The following RAP1B variants were observed in gnomAD, a reference collection of about 807,000 sequenced individuals.
The protein encoded by RAP1B is ras-related protein Rap-1b.
In RAP1B, 1 loss-of-function variant was observed where a neutral mutation model predicts 27.5. That is an observed-to-expected ratio of 0.04 (90% CI 0.01 to 0.17). RAP1B has a LOEUF of 0.17. Ranked by LOEUF, RAP1B falls within the 10% of genes least tolerant of loss-of-function variation. The pLI, the probability that RAP1B is intolerant of heterozygous loss-of-function variation, is 1.00. For missense variants in RAP1B, 84 were observed against 214.8 expected (o/e 0.39, Z 3.81); for synonymous variants, 75 against 73.1 (o/e 1.03, Z -0.13).
At chr12:68,641,429 TA>T (rs1460471679) in intron 1 of RAP1B, among the ~76,000 whole-genome samples, 1 of 152,218 alleles carries the variant, frequency 6.6e-6, no homozygotes, top group Admixed American at 6.5e-5. Flanking sequence ...GCTCTGAAAC[TA>T]GAATTAAACA....
chr12:68,639,278 G>C (rs972476681), intron 1 of RAP1B, among the ~76,000 whole-genome samples: 3 of 152,194 alleles, frequency 2.0e-5, no homozygotes, highest in Non-Finnish European at 4.4e-5. Flanking sequence ...TAAGTCATCT[G>C]AGTGTTCAGT....
Position 68,663,019 on chromosome 12 carries a change from A to G in RAP1B, c.*3770A>G, listed in dbSNP as rs569139503. 6.6e-5 allele frequency: 10 copies of G among 151,330 alleles called. No individual in the cohort carries two copies. Among genetic ancestry groups the G allele is most frequent in the African/African-American group, 2.2e-4 (9 of 41,238 alleles). 9.4% of individuals were successfully genotyped at this position (151,330 alleles called of 1,614,324 possible). ...AAAAAAAGATAAATAAGTCTGTTCT[A>G]TTTGTTACAGTGCATCAACACATTT... On this transcript the variant is annotated 3_prime_UTR_variant, in exon 8 of 8. Coordinates refer to ENST00000250559, the MANE Select transcript of RAP1B (RefSeq NM_001010942.3).
chr12:68,670,628 A>G lies in RAP1B; in HGVS notation c.*11379A>G, dbSNP rs1201383927. 2 of 152,258 alleles carry G rather than the reference A, an allele frequency of 1.3e-5. No individual in the cohort carries two copies. The highest frequency in any genetic ancestry group is 2.9e-5 in the Non-Finnish European group (2 of 68,038). The allele number at this position is 152,258 out of a possible 1,614,324, so 9.4% of individuals were successfully genotyped here. ...CCCTGATAAATCCATCACAAAGCTGAAAAATTATAAGTAAAACTGTAAGTC... is the reference window on the plus strand; with the variant it reads ...CCCTGATAAATCCATCACAAAGCTGGAAAATTATAAGTAAAACTGTAAGTC... On this transcript the variant is annotated 3_prime_UTR_variant, in exon 8 of 8. Coordinates refer to ENST00000250559, the MANE Select transcript of RAP1B (RefSeq NM_001010942.3).
chr12:68,625,803 T>G (rs1360216423), intron 1 of RAP1B, among the ~76,000 whole-genome samples: 1 of 151,992 alleles, frequency 6.6e-6, no homozygotes, highest in Middle Eastern at 3.2e-3. Context: ...GCACCTGTAG[T>G]CCTAGCTACT....
intron 1 of RAP1B, among the ~76,000 whole-genome samples, chr12:68,645,838 T>G (rs918117052): frequency 1.3e-5 from 2 of 152,254 alleles, no homozygotes; most frequent in African/African-American, 4.8e-5. Context: ...GGGTTTTTTT[T>G]GTTTTGTTTT....
chr12:68,616,348 G>T (rs910318330), intron 1 of RAP1B, among the ~76,000 whole-genome samples: 1 of 150,602 alleles, frequency 6.6e-6, no homozygotes, highest in Non-Finnish European at 1.5e-5. Flanking sequence ...GCAGTGGCAC[G>T]ATCTCAGTTC....
At chr12:68,626,736 T>C in intron 1 of RAP1B, 1 of 796,420 alleles carries the variant, frequency 1.3e-6, no homozygotes, top group South Asian at 1.6e-5. Flanking sequence ...GTAAAGGTCT[T>C]AAGGAAGAGG....
rs1323445308 is a variant in RAP1B at position 68,668,651 on chromosome 12, T to C, written c.*9402T>C. The C allele has an allele frequency of 6.6e-6, 1 of 152,234 alleles. No homozygotes were observed. The highest frequency in any genetic ancestry group is 1.5e-5 in the Non-Finnish European group (1 of 68,048). The allele number at this position is 152,234 out of a possible 1,614,324, so 9.4% of individuals were successfully genotyped here. ...CTGCACAGACTTTCTTGGCTCTTCT[T>C]TTCTGCCGTCCTATGAATCACAAAT... On this transcript the variant is annotated 3_prime_UTR_variant, in exon 8 of 8. Transcript: ENST00000250559.
intron 1 of RAP1B, among the ~76,000 whole-genome samples, chr12:68,614,154 C>T (rs1227242986): frequency 2.6e-5 from 4 of 152,136 alleles, no homozygotes; most frequent in Admixed American, 2.6e-4. Flanking sequence ...GAAAAGCTCA[C>T]GTTCAGGTTT....
rs11322867 is a variant in RAP1B at position 68,632,050 on chromosome 12, G to GT, written c.-26-16639dup. ...TTTGCATATCAGTGCTTTACTGCAGGTTTTTTTTTTCTTTTTCTTTTTAAA... is the reference window on the plus strand; with the variant it reads ...TTTGCATATCAGTGCTTTACTGCAGGTTTTTTTTTTTCTTTTTCTTTTTAAA... On this transcript the variant is annotated intron_variant, in intron 1 of 7. Transcript: ENST00000250559. Among the ~76,000 whole-genome samples, 47 of 143,536 alleles carry GT rather than the reference G, an allele frequency of 3.3e-4. 2 individuals are homozygous for GT. Among genetic ancestry groups the GT allele is most frequent in the South Asian group, 2.9e-3 (13 of 4,552 alleles). 94.2% of individuals were successfully genotyped at this position (143,536 alleles called of 152,430 possible).
intron 1 of RAP1B, among the ~76,000 whole-genome samples, chr12:68,628,029 C>G (rs1307246237): frequency 1.3e-5 from 2 of 152,074 alleles, no homozygotes; most frequent in Non-Finnish European, 2.9e-5. Context: ...TCGCTTGAGC[C>G]CAGGAGTTGA....
At chr12:68,656,103 G>A (rs554057474) in intron 5 of RAP1B, among the ~76,000 whole-genome samples, 74 of 152,308 alleles carry the variant, frequency 4.9e-4, no homozygotes, top group African/African-American at 1.7e-3. Context: ...AGAGAAGGCA[G>A]TGGAGATAAT....
intron 1 of RAP1B, among the ~76,000 whole-genome samples, chr12:68,630,088 A>G (rs1872125367): frequency 6.6e-6 from 1 of 152,224 alleles, no homozygotes; most frequent in East Asian, 1.9e-4. Context: ...CTCAAAAATC[A>G]TTCTCAACAC....
chr12:68,618,086 CTTTT>C (rs36224976), intron 1 of RAP1B, among the ~76,000 whole-genome samples: 20 of 60,788 alleles, frequency 3.3e-4, no homozygotes, highest in African/African-American at 7.1e-4. Context: ...TTCTATAAAG[CTTTT>C]TTTTTTTTTT....
In RAP1B at chr12:68,669,784, A is replaced by G. The variant is rs1182333144; in HGVS notation, c.*10535A>G. 1.3e-5 allele frequency: 2 copies of G among 152,238 alleles called. No individual in the cohort carries two copies. The highest frequency in any genetic ancestry group is 2.4e-5 in the African/African-American group (1 of 41,420). 9.4% of individuals were successfully genotyped at this position (152,238 alleles called of 1,614,324 possible). A position where few individuals can be genotyped will look rare whatever the true frequency, so the allele number is the denominator to read the frequency against. ...CACTGCACTCCAGCCTGGGTGACAG[A>G]GCAAATCTCTATCTCAAGAAAAAGA... On this transcript the variant is annotated 3_prime_UTR_variant, in exon 8 of 8. Transcript: ENST00000250559.
chr12:68,642,903 G>T (rs1873123036), intron 1 of RAP1B: 2 of 950,586 alleles, frequency 2.1e-6, no homozygotes, highest in East Asian at 4.8e-5. Context: ...CAGGATTTCA[G>T]GAAACTAGCA....
At chr12:68,649,937 A>AC (rs1873691578) in intron 2 of RAP1B, 1 of 153,148 alleles carries the variant, frequency 6.5e-6, no homozygotes, top group Non-Finnish European at 1.5e-5. Flanking sequence ...ATATAGTGAA[A>AC]CCCCGTCTCT....
Position 68,621,980 on chromosome 12 carries a change from A to G in RAP1B, c.-27+10937A>G, listed in dbSNP as rs1468517346. ...TTTTAGCTCATTCCATTGGGTGTGA[A>G]ATCAAATCTGAGAACTCAGGTATTT... On this transcript the variant is annotated intron_variant, in intron 1 of 7. Transcript: ENST00000250559. Among the ~76,000 whole-genome samples, 4 of 152,250 alleles carry G rather than the reference A, an allele frequency of 2.6e-5. No individual in the cohort carries two copies. The East Asian group carries it at 7.7e-4, about 29-fold the overall frequency.
chr12:68,653,427 G>C lies in RAP1B; in HGVS notation c.184-685G>C, dbSNP rs1009266537. On this transcript the variant is annotated intron_variant, in intron 4 of 7. Coordinates refer to ENST00000250559, the MANE Select transcript of RAP1B (RefSeq NM_001010942.3). ...AAAAGTAGTGTGGGAAAATGGGATG[G>C]TCTAGATCATGCTGATGGAGCCCTA... Among the ~76,000 whole-genome samples the C allele has an allele frequency of 2.0e-5, 3 of 151,992 alleles. No homozygotes were observed. The East Asian group carries it at 5.8e-4, about 29-fold the overall frequency.
Sources: allele counts gnomAD v4.1 joint callset (sites outside exome capture counted in the v4.1 genomes callset), GRCh38; gene constraint gnomAD v4.1.1; transcripts MANE v1.5; gene names NCBI Gene and HGNC (gene_info 2026-07-23, HGNC 2026-07-21).